The following LRMDA variants were observed in gnomAD, a reference collection of about 807,000 sequenced individuals.
LRMDA encodes the protein leucine-rich melanocyte differentiation-associated protein.
LRMDA carries 18 observed loss-of-function variants against 29.8 expected under a neutral mutation model. The ratio of observed to expected loss-of-function variants is 0.60; its 90% CI spans 0.42 to 0.90. The LOEUF is 0.90. LRMDA is among the 40% of genes least tolerant of loss of function. The pLI, the probability that LRMDA is intolerant of heterozygous loss-of-function variation, is 0.00. For synonymous variants in LRMDA, 125 were observed against 109.4 expected (o/e 1.14, Z -0.89); for missense variants, 273 against 273.9 (o/e 1.00, Z 0.02).
intron 2 of LRMDA, among the ~76,000 whole-genome samples, chr10:75,912,902 G>A (rs1468471576): frequency 6.6e-6 from 1 of 152,154 alleles, no homozygotes; most frequent in African/African-American, 2.4e-5. Flanking sequence ...AGAGCAGCCA[G>A]GGAGGGATCA....
rs1356511443 is a variant in LRMDA, at chr10:76,142,264, TTTATAA to T, written c.516+83487_516+83492del. Among the ~76,000 whole-genome samples the T allele has an allele frequency of 2.0e-5, 3 of 152,304 alleles. No homozygotes were observed. In the South Asian group the frequency reaches 6.2e-4, roughly 32 times the overall value. On this transcript the variant is annotated intron_variant, in intron 5 of 6. Transcript: ENST00000611255. The stretch of plus-strand genomic sequence containing the variant: ...ACTATCAATTGGTTTATGTGTAACA[TTTATAA>T]TTATATGTGTGCATTTACATAGTCT...
In LRMDA at chr10:76,391,069, C is replaced by G. The variant is rs1222728561; in HGVS notation, c.601+66584C>G. Among the ~76,000 whole-genome samples, 4 of 152,178 alleles carry G rather than the reference C, an allele frequency of 2.6e-5. No homozygotes were observed. The East Asian group carries it at 7.7e-4, about 29-fold the overall frequency. On this transcript the variant is annotated intron_variant, in intron 6 of 6. Transcript: ENST00000611255. ...CACCATTCTTTCATAAAATTATTCA[C>G]AATTTAGCAACTATGAACAGGAATA... is the stretch of plus-strand genomic sequence containing the variant.
chr10:75,653,260 C>T (rs1477324328), intron 2 of LRMDA, among the ~76,000 whole-genome samples: 2 of 152,176 alleles, frequency 1.3e-5, no homozygotes, highest in Non-Finnish European at 2.9e-5. Flanking sequence ...AAGCTTCAGA[C>T]AGGATCGTGA....
intron 2 of LRMDA, among the ~76,000 whole-genome samples, chr10:76,007,430 C>T (rs989615665): frequency 6.6e-6 from 1 of 152,158 alleles, no homozygotes; most frequent in Admixed American, 6.5e-5. Flanking sequence ...GCTACAGGGT[C>T]ACCCCCCAAC....
intron 6 of LRMDA, among the ~76,000 whole-genome samples, chr10:76,474,767 T>A (rs1213733775): frequency 1.3e-5 from 2 of 151,608 alleles, no homozygotes; most frequent in African/African-American, 4.8e-5. Flanking sequence ...TACATTGCTG[T>A]TGAGACTGTA....
At chr10:76,196,334 G>C (rs1851330722) in intron 5 of LRMDA, among the ~76,000 whole-genome samples, 1 of 152,202 alleles carries the variant, frequency 6.6e-6, no homozygotes, top group Admixed American at 6.5e-5. Flanking sequence ...ATTAGGACCT[G>C]GTGTGCCCTG....
At chr10:76,495,126 T>G (rs187035031) in intron 6 of LRMDA, among the ~76,000 whole-genome samples, 7 of 152,076 alleles carry the variant, frequency 4.6e-5, no homozygotes, top group Admixed American at 4.6e-4. Flanking sequence ...GTTTTAGTGT[T>G]TTATACTTTA....
intron 2 of LRMDA, among the ~76,000 whole-genome samples, chr10:75,760,047 AAC>A (rs1489537221): frequency 6.6e-6 from 1 of 152,174 alleles, no homozygotes; most frequent in Non-Finnish European, 1.5e-5. Flanking sequence ...AGATGTAGTA[AAC>A]AGTTGAAAAT....
In LRMDA at chr10:75,633,595, G is replaced by A. The variant is rs539012149; in HGVS notation, c.131+195101G>A. On this transcript the variant is annotated intron_variant, in intron 2 of 6. Transcript: ENST00000611255. ...TTAATGTCCTTCCAGCCCCAGCCCC[G>A]AAGAAAACCTGTTTCCAGAAAATTT... Among the ~76,000 whole-genome samples, 32 of 152,240 alleles carry A rather than the reference G, an allele frequency of 2.1e-4. 1 individual carries two copies. The South Asian group carries it at 6.2e-3, about 30-fold the overall frequency.
intron 5 of LRMDA, among the ~76,000 whole-genome samples, chr10:76,070,435 C>A (rs1031342946): frequency 6.6e-6 from 1 of 152,174 alleles, no homozygotes; most frequent in South Asian, 2.1e-4. Flanking sequence ...TAGATGGCTA[C>A]CTTCTCACTG....
chr10:76,526,977 A>AAAATAAAT (rs199776614), intron 6 of LRMDA, among the ~76,000 whole-genome samples: 145 of 121,522 alleles, frequency 1.2e-3, no homozygotes, highest in Non-Finnish European at 1.8e-3. Context: ...AAAGTATAAT[A>AAAATAAAT]AAATAAATAA....
chr10:76,244,235 C>T (rs1048174722), intron 5 of LRMDA, among the ~76,000 whole-genome samples: 10 of 152,122 alleles, frequency 6.6e-5, no homozygotes, highest in African/African-American at 1.2e-4. Context: ...TCGTGAGGAC[C>T]GTGAAAGCTC....
intron 6 of LRMDA, among the ~76,000 whole-genome samples, chr10:76,358,076 C>T (rs1564519103): frequency 6.6e-6 from 1 of 152,160 alleles, no homozygotes; most frequent in Non-Finnish European, 1.5e-5. Flanking sequence ...CTTCCACCCT[C>T]ACCTCAGGGG....
chr10:75,570,042 T>C (rs1264155520), intron 2 of LRMDA, among the ~76,000 whole-genome samples: 1 of 152,208 alleles, frequency 6.6e-6, no homozygotes. Flanking sequence ...CTTATATTTA[T>C]ATGGCCATTT....
At chr10:75,734,871 A>G (rs1314133231) in intron 2 of LRMDA, among the ~76,000 whole-genome samples, 1 of 152,212 alleles carries the variant, frequency 6.6e-6, no homozygotes, top group African/African-American at 2.4e-5. Flanking sequence ...CAGATTCCAC[A>G]TTCTTATAGA....
chr10:75,853,831 C>T (rs966417517), intron 2 of LRMDA, among the ~76,000 whole-genome samples: 4 of 152,204 alleles, frequency 2.6e-5, no homozygotes, highest in African/African-American at 7.2e-5. Context: ...ATCCCAGCTA[C>T]TGGGCCTCCC....
intron 6 of LRMDA, among the ~76,000 whole-genome samples, chr10:76,455,531 C>G (rs1842448209): frequency 3.3e-5 from 5 of 152,100 alleles, no homozygotes; most frequent in Admixed American, 3.3e-4. Flanking sequence ...ACAGGAGGCT[C>G]CTTACCTTAG....
At chr10:75,819,389 G>A (rs1373461971) in intron 2 of LRMDA, among the ~76,000 whole-genome samples, 1 of 107,342 alleles carries the variant, frequency 9.3e-6, no homozygotes, top group Non-Finnish European at 1.8e-5. Context: ...AAACCATTTT[G>A]AGTCTGTAAT....
intron 2 of LRMDA, among the ~76,000 whole-genome samples, chr10:75,957,911 T>C (rs1001876264): frequency 6.6e-6 from 1 of 152,162 alleles, no homozygotes; most frequent in African/African-American, 2.4e-5. Context: ...GACCTCTCCC[T>C]TACCAGACAC....
Sources: allele counts gnomAD v4.1 joint callset (sites outside exome capture counted in the v4.1 genomes callset), GRCh38; gene constraint gnomAD v4.1.1; transcripts MANE v1.5; gene names NCBI Gene and HGNC (gene_info 2026-07-23, HGNC 2026-07-21).